WDR37: variants seen among roughly 807,000 people sequenced by gnomAD.
WDR37 encodes the protein WD repeat-containing protein 37.
Under a neutral mutation model 62.9 loss-of-function variants are expected in WDR37, and 19 were observed. The ratio of observed to expected loss-of-function variants is 0.30; its 90% CI spans 0.21 to 0.44. The LOEUF (loss-of-function observed/expected upper bound fraction) is 0.44, where lower values mean the gene tolerates loss of function less well. Among genes scored for constraint, WDR37 ranks in the 20% least tolerant of loss-of-function variants. The pLI, the probability that WDR37 is intolerant of heterozygous loss-of-function variation, is 1.00. For missense variants in WDR37, 474 were observed against 657.6 expected (o/e 0.72, Z 3.05); for synonymous variants, 250 against 260.9 (o/e 0.96, Z 0.40).
At position 1,084,410 on chromosome 10, in the gene WDR37, C is replaced by G; in HGVS notation, c.404C>G (p.Ser135Cys). The part of the protein sequence containing the change: ...TYKASTSKIV[S>C]SFKTTTSRAA... Reference sequence around the variant, plus strand: ...TCCCCATCTTGGTTTCAGATTGTCTCCAGCTTTAAGACCACGACATCGAGA... The same window carrying G: ...TCCCCATCTTGGTTTCAGATTGTCTGCAGCTTTAAGACCACGACATCGAGA... Residue 135 changes from serine to cysteine, a missense_variant, in exon 6 of 14, where the codon TCC (serine) becomes TGC (cysteine). Coordinates refer to ENST00000263150, the MANE Select transcript of WDR37 (RefSeq NM_014023.4). 6.2e-7 allele frequency: 1 copy of G among 1,612,264 alleles called. No homozygotes were observed.
At chr10:1,108,449 C>T (rs536167660) in intron 11 of WDR37, among the ~76,000 whole-genome samples, 7 of 152,320 alleles carry the variant, frequency 4.6e-5, no homozygotes, top group East Asian at 1.9e-4. Flanking sequence ...TGTGCTGAAG[C>T]GCTCCTGCAG....
chr10:1,068,616 T>C (rs1833628137), intron 1 of WDR37, among the ~76,000 whole-genome samples: 1 of 152,088 alleles, frequency 6.6e-6, no homozygotes, highest in Admixed American at 6.6e-5. Context: ...TGTGGATAAC[T>C]GAATCTCTCA....
chr10:1,093,794 G>A (rs1042772767), intron 8 of WDR37, among the ~76,000 whole-genome samples: 3 of 152,184 alleles, frequency 2.0e-5, no homozygotes, highest in Non-Finnish European at 2.9e-5. Context: ...TCCTGTAGAC[G>A]GAGCTCCTTG....
chr10:1,090,920 G>A (rs193242678), intron 7 of WDR37, among the ~76,000 whole-genome samples: 1 of 152,224 alleles, frequency 6.6e-6, no homozygotes, highest in Non-Finnish European at 1.5e-5. Context: ...CATGGCTCAC[G>A]TGCTGCCCCG....
chr10:1,125,489 C>T (rs138688949), intron 13 of WDR37, among the ~76,000 whole-genome samples: 2,236 of 152,300 alleles, frequency 0.015, 32 homozygotes, highest in Admixed American at 0.046. Flanking sequence ...GGATTACAGG[C>T]GTGAGCCACC....
chr10:1,129,314 C>T lies in WDR37; in HGVS notation c.1455C>T (p.Ile485=), dbSNP rs751827565. Residue 485 remains isoleucine, a synonymous_variant, in exon 14 of 14, where the codon ATC becomes ATT. Transcript: ENST00000263150. ...ACCGGCAAGCCATTGGTTGGAACAT[C>T]AACATCCCTGCATTGCTACAAGAAA... The part of the protein sequence containing the change: ...GFDRQAIGWN[I]NIPALLQEK The T allele has an allele frequency of 1.4e-5, 22 of 1,613,996 alleles. No individual in the cohort carries two copies. In the South Asian group the frequency reaches 1.6e-4, roughly 12 times the overall value.
chr10:1,115,307 T>C (rs1835356536), intron 11 of WDR37, among the ~76,000 whole-genome samples: 1 of 152,264 alleles, frequency 6.6e-6, no homozygotes, highest in Non-Finnish European at 1.5e-5. Flanking sequence ...CTTTGGTGCT[T>C]TCTTCTAAAG....
Position 1,124,281 on chromosome 10 carries a change from G to A in WDR37, c.1167G>A (p.Thr389=), listed in dbSNP as rs145245986. The part of the protein sequence containing the change: ...DNVVSGSDDR[T]VKVWDLKNMR... ...TGGTTTCAGGCAGCGATGACCGCAC[G>A]GTGAAAGTCTGGGACTTGAAAAATA... The change falls in exon 12 of 14, where the codon ACG becomes ACA. Residue 389 remains threonine, a synonymous_variant. Transcript: ENST00000263150. 27 of 1,614,198 alleles carry A rather than the reference G, an allele frequency of 1.7e-5. No individual in the cohort carries two copies. The highest frequency in any genetic ancestry group is 1.5e-4 in the African/African-American group (11 of 75,042).
chr10:1,128,650 T>C (rs1414376070), intron 13 of WDR37, among the ~76,000 whole-genome samples: 1 of 152,270 alleles, frequency 6.6e-6, no homozygotes, highest in East Asian at 1.9e-4. Flanking sequence ...AATTTCACAT[T>C]GATCATTTAT....
At position 1,079,913 on chromosome 10, in the gene WDR37, A is replaced by G. The variant is rs1196954463; in HGVS notation, c.236-98A>G. The G allele has an allele frequency of 8.0e-6, 7 of 877,192 alleles. No homozygotes were observed. In the African/African-American group the frequency reaches 1.0e-4, roughly 13 times the overall value. 54.3% of individuals were successfully genotyped at this position (877,192 alleles called of 1,614,324 possible). ...TTCATGTCTTTGTTTATATAACACT[A>G]ATATATAGCATTTTTTCTGTGTGCG... On this transcript the variant is annotated intron_variant, in intron 3 of 13. Transcript: ENST00000263150.
At chr10:1,072,522 C>G (rs1025645158) in intron 2 of WDR37, among the ~76,000 whole-genome samples, 2 of 152,202 alleles carry the variant, frequency 1.3e-5, no homozygotes, top group Non-Finnish European at 2.9e-5. Flanking sequence ...CCATGTTGGT[C>G]AGGCTCATCT....
intron 9 of WDR37, among the ~76,000 whole-genome samples, chr10:1,099,970 G>T (rs1485315131): frequency 1.3e-5 from 2 of 148,316 alleles, no homozygotes; most frequent in East Asian, 4.2e-4. Flanking sequence ...GGTGGGCGTG[G>T]TGGAGAGGTG....
intron 1 of WDR37, among the ~76,000 whole-genome samples, chr10:1,062,870 A>G (rs888428846): frequency 3.3e-5 from 5 of 152,128 alleles, no homozygotes; most frequent in African/African-American, 1.2e-4. Flanking sequence ...GGCAGATCAC[A>G]AGGTCACAAG....
intron 11 of WDR37, among the ~76,000 whole-genome samples, chr10:1,113,245 T>C (rs566331918): frequency 1.3e-5 from 2 of 152,360 alleles, no homozygotes; most frequent in South Asian, 4.1e-4. Context: ...CACATCTGTT[T>C]ACACCATGGT....
intron 11 of WDR37, among the ~76,000 whole-genome samples, chr10:1,115,718 A>C (rs1835369812): frequency 6.6e-6 from 1 of 152,110 alleles, no homozygotes; most frequent in Non-Finnish European, 1.5e-5. Context: ...GTGGTCTCTA[A>C]ATCAGTTTGC....
At chr10:1,127,527 G>C (rs769185586) in intron 13 of WDR37, among the ~76,000 whole-genome samples, 5 of 152,214 alleles carry the variant, frequency 3.3e-5, no homozygotes, top group Non-Finnish European at 7.3e-5. Flanking sequence ...ACACTTATTT[G>C]AGCCTTTAAG....
rs565035728 is a variant in WDR37 at position 1,121,279 on chromosome 10, A to G, written c.1104-2939A>G. Among the ~76,000 whole-genome samples, 1 of 152,202 alleles carries G rather than the reference A, an allele frequency of 6.6e-6. No individual in the cohort carries two copies. Among genetic ancestry groups the G allele is most frequent in the Non-Finnish European group, 1.5e-5 (1 of 68,052 alleles). ...GAGCCTTTTTTCCTATTAATTTAGC[A>G]GAATGTTCACTGAAACTTAACTTGG... On this transcript the variant is annotated intron_variant, in intron 11 of 13. Transcript: ENST00000263150. The surrounding 1 kb of genome is among the most constrained non-coding windows in gnomAD (Gnocchi z 4.5).
At chr10:1,081,952 A>G (rs955664974) in intron 5 of WDR37, among the ~76,000 whole-genome samples, 2 of 152,236 alleles carry the variant, frequency 1.3e-5, no homozygotes, top group Admixed American at 6.5e-5. Flanking sequence ...AAGGATATGT[A>G]TAGTAATGCT....
chr10:1,129,135 G>A (rs1472159634), intron 13 of WDR37, 78 bp from the exon 14 acceptor site: 2 of 1,577,632 alleles, frequency 1.3e-6, no homozygotes, highest in African/African-American at 1.3e-5. Context: ...GAGTGATGTG[G>A]TTATTCATTT....
Sources: allele counts gnomAD v4.1 joint callset (sites outside exome capture counted in the v4.1 genomes callset), GRCh38; gene constraint gnomAD v4.1.1; non-coding constraint Gnocchi (gnomAD v3.1); transcripts MANE v1.5; gene names NCBI Gene and HGNC (gene_info 2026-07-23, HGNC 2026-07-21).